Variants in PALLD observed in about 807,000 individuals in gnomAD.
PALLD encodes the protein palladin, cytoskeletal associated protein.
A neutral mutation model predicts 123.5 loss-of-function variants in PALLD; 61 were observed. That is an observed-to-expected ratio of 0.49 (90% CI 0.40 to 0.61). The LOEUF is 0.61. PALLD is among the 20% of genes least tolerant of loss of function. The pLI is 0.00. For missense variants in PALLD, 1,273 were observed against 1,377.0 expected, an observed-to-expected ratio of 0.92 and a Z score of 1.20; for synonymous variants, 465 against 496.4, an observed-to-expected ratio of 0.94 and a Z score of 0.84.
In PALLD at chr4:168,500,539, GT is replaced by G. The variant is rs879688611; in HGVS notation, c.-83+3354del. 4.9e-3 allele frequency among the ~76,000 whole-genome samples: 740 copies of G among 151,856 alleles called. 6 individuals are homozygous for G. Among genetic ancestry groups the G allele is most frequent in the Non-Finnish European group, 7.5e-3 (508 of 67,884 alleles). On this transcript the variant is annotated intron_variant, in intron 1 of 21. Coordinates refer to ENST00000505667, the MANE Select transcript of PALLD (RefSeq NM_001166108.2). Reference sequence around the variant, plus strand: ...CCATCACACTCAGCTAAGTTTTTGGGTTTTTTTTTGTATTTTTGTAGAGATG... The same window carrying G: ...CCATCACACTCAGCTAAGTTTTTGGGTTTTTTTTGTATTTTTGTAGAGATG...
At chr4:168,670,640 G>A (rs1780118811) in intron 3 of PALLD, among the ~76,000 whole-genome samples, 1 of 150,354 alleles carries the variant, frequency 6.7e-6, no homozygotes, top group African/African-American at 2.5e-5. Flanking sequence ...GGCTGAGGCA[G>A]GAGAATTGCG....
chr4:168,625,504 T>TAGATAGATAGATAGATAGATAGATAG (rs769777583), intron 2 of PALLD, among the ~76,000 whole-genome samples: 35 of 135,962 alleles, frequency 2.6e-4, no homozygotes, highest in Admixed American at 2.4e-4. Flanking sequence ...ATCCAGGAGA[T>TAGATAGATAGATAGATAGATAGATAG]ATATATATAT....
rs1447939716 is a variant in PALLD, at chr4:168,878,008, C to G, written c.1965-12914C>G. ...ACCTCGGGCCCGCGTCGGGCCACGG[C>G]ACGCCGGCCTCCAGCCCCAGCTCGT... On this transcript the variant is annotated intron_variant, in intron 10 of 21. Transcript: ENST00000505667. 2.0e-6 allele frequency: 3 copies of G among 1,497,708 alleles called. No homozygotes were observed. The highest frequency in any genetic ancestry group is 2.9e-5 in the African/African-American group (2 of 68,816). 92.8% of individuals were successfully genotyped at this position (1,497,708 alleles called of 1,614,324 possible). A position where few individuals can be genotyped will look rare whatever the true frequency, so the allele number is the denominator to read the frequency against.
At chr4:168,847,605 T>C (rs1159988618) in intron 10 of PALLD, among the ~76,000 whole-genome samples, 1 of 152,242 alleles carries the variant, frequency 6.6e-6, no homozygotes, top group Non-Finnish European at 1.5e-5. Context: ...GTATGAGGAT[T>C]GGTGGTTATG....
chr4:168,626,006 G>A (rs1458747350), intron 2 of PALLD, among the ~76,000 whole-genome samples: 1 of 152,196 alleles, frequency 6.6e-6, no homozygotes, highest in Non-Finnish European at 1.5e-5. Context: ...AAAGTGGCCT[G>A]TAATCCCAGC....
chr4:168,916,681 A>G (rs1760167855), intron 17 of PALLD, among the ~76,000 whole-genome samples: 1 of 97,364 alleles, frequency 1.0e-5, no homozygotes, highest in African/African-American at 3.0e-5. Context: ...CCATTTTCTA[A>G]TTCTTTTTTT....
chr4:168,600,912 G>A (rs147386200), intron 2 of PALLD, among the ~76,000 whole-genome samples: 70 of 152,210 alleles, frequency 4.6e-4, no homozygotes, highest in Admixed American at 3.5e-3. Context: ...TCCTAAAGAC[G>A]GCTGTGATAT....
At chr4:168,564,622 C>T (rs867299713) in intron 2 of PALLD, among the ~76,000 whole-genome samples, 1 of 152,032 alleles carries the variant, frequency 6.6e-6, no homozygotes, top group African/African-American at 2.4e-5. Context: ...TGACAGAAAT[C>T]CATGGAGGAT....
chr4:168,924,804 T>C, intron 19 of PALLD, 141 bp from the exon 20 acceptor site: 1 of 799,952 alleles, frequency 1.3e-6, no homozygotes, highest in Non-Finnish European at 2.1e-6. Flanking sequence ...ATGGAGCTAG[T>C]AATCTCTACA....
chr4:168,665,411 C>A (rs561105721), intron 2 of PALLD, among the ~76,000 whole-genome samples: 1 of 152,080 alleles, frequency 6.6e-6, no homozygotes, highest in Non-Finnish European at 1.5e-5. Context: ...CTTTGGCATG[C>A]GAGGGACCAG....
At chr4:168,676,616 C>T (rs547362280) in intron 3 of PALLD, among the ~76,000 whole-genome samples, 51 of 151,318 alleles carry the variant, frequency 3.4e-4, no homozygotes, top group Non-Finnish European at 3.2e-4. Flanking sequence ...CTCGCTCTGT[C>T]GCTCTGTTGC....
At chr4:168,845,330 T>C (rs1356495933) in intron 10 of PALLD, among the ~76,000 whole-genome samples, 1 of 152,228 alleles carries the variant, frequency 6.6e-6, no homozygotes, top group Non-Finnish European at 1.5e-5. Flanking sequence ...TTTCTTCTTT[T>C]CCAATAGCAT....
chr4:168,805,389 TAGA>T (rs199656615), intron 10 of PALLD, among the ~76,000 whole-genome samples: 1,822 of 152,250 alleles, frequency 0.012, 32 homozygotes, highest in African/African-American at 0.041. Context: ...TAATACTGGT[TAGA>T]AGGACATAAG....
intron 1 of PALLD, among the ~76,000 whole-genome samples, chr4:168,497,735 C>A (rs888133610): frequency 2.0e-5 from 3 of 152,170 alleles, no homozygotes; most frequent in African/African-American, 4.8e-5. Context: ...AAATTATATT[C>A]ATGCATAAAA....
rs1188002270 is a variant in PALLD, at chr4:168,511,843, C to A, written c.339C>A (p.Ile113=). Reference sequence around the variant, plus strand: ...TGGCAGAGAAACAAACTAAGAGTATCTCTTCACCTGTTTCAAAGAGGAAAC... The same window carrying A: ...TGGCAGAGAAACAAACTAAGAGTATATCTTCACCTGTTTCAAAGAGGAAAC... ...QPLAEKQTKS[I]SSPVSKRKPA... The change falls in exon 2 of 22, where the codon ATC becomes ATA. Residue 113 remains isoleucine (I), a synonymous_variant. Coordinates refer to ENST00000505667, the MANE Select transcript of PALLD (RefSeq NM_001166108.2). The A allele has an allele frequency of 1.9e-6, 3 of 1,614,008 alleles. No individual in the cohort carries two copies. Among genetic ancestry groups the A allele is most frequent in the Admixed American group, 1.7e-5 (1 of 60,010 alleles).
intron 10 of PALLD, among the ~76,000 whole-genome samples, chr4:168,741,363 G>A (rs1271619045): frequency 3.3e-5 from 5 of 151,934 alleles, no homozygotes; most frequent in Non-Finnish European, 5.9e-5. Context: ...GTGTGTGTGT[G>A]TGTGATCTTT....
intron 2 of PALLD, among the ~76,000 whole-genome samples, chr4:168,527,571 A>C (rs1764192148): frequency 6.6e-6 from 1 of 152,182 alleles, no homozygotes. Flanking sequence ...AAGAAACTTA[A>C]ATATTCCTTG....
chr4:168,816,726 A>G (rs1742008739), intron 10 of PALLD, among the ~76,000 whole-genome samples: 1 of 152,136 alleles, frequency 6.6e-6, no homozygotes, highest in Non-Finnish European at 1.5e-5. Context: ...ATGGTTTCCA[A>G]AAGGTACTCC....
In PALLD at chr4:168,927,371, G is replaced by T. The variant is rs1762696402; in HGVS notation, c.*1191G>T. 1 of 232,822 alleles carries T rather than the reference G, an allele frequency of 4.3e-6. No homozygotes were observed. Among genetic ancestry groups the T allele is most frequent in the Admixed American group, 5.6e-5 (1 of 17,788 alleles). The allele number at this position is 232,822 out of a possible 1,614,324, so 14.4% of individuals were successfully genotyped here. A position where few individuals can be genotyped will look rare whatever the true frequency, so the allele number is the denominator to read the frequency against. On this transcript the variant is annotated 3_prime_UTR_variant, in exon 22 of 22. Transcript: ENST00000505667. ...CCATTCACAAGTCAAGGAACCCAGG[G>T]CCAGCTGGAAGTGTGGAGCACACAT...
Sources: allele counts gnomAD v4.1 joint callset (sites outside exome capture counted in the v4.1 genomes callset), GRCh38; gene constraint gnomAD v4.1.1; transcripts MANE v1.5; gene names NCBI Gene and HGNC (gene_info 2026-07-23, HGNC 2026-07-21).